Variants in DNM3 observed in about 807,000 individuals in gnomAD.
DNM3 encodes the protein dynamin 3, also known as dynamin-3.
Under a neutral mutation model 101.6 loss-of-function variants are expected in DNM3, and 47 were observed. That is an observed-to-expected ratio of 0.46 (90% confidence interval 0.37 to 0.59). The LOEUF is 0.59. Among genes scored for constraint, DNM3 ranks in the 20% least tolerant of loss-of-function variants. The pLI is 0.00. For missense variants in DNM3, 849 were observed against 1,085.7 expected (o/e 0.78, Z 3.06); for synonymous variants, 385 against 387.9 (o/e 0.99, Z 0.09).
At chr1:172,166,922 C>CTT (rs4028243) in intron 14 of DNM3, among the ~76,000 whole-genome samples, 245 of 145,146 alleles carry the variant, frequency 1.7e-3, no homozygotes, top group African/African-American at 5.8e-3. Context: ...GCATTGCATT[C>CTT]TTTTTTTTTT....
chr1:171,861,318 A>T (rs1455754115), intron 1 of DNM3, among the ~76,000 whole-genome samples: 1 of 152,164 alleles, frequency 6.6e-6, no homozygotes, highest in Admixed American at 6.6e-5. Flanking sequence ...AAACAAAACA[A>T]GTTGAAGGAC....
chr1:171,950,097 T>A (rs2042419283), intron 2 of DNM3, among the ~76,000 whole-genome samples: 1 of 151,676 alleles, frequency 6.6e-6, no homozygotes. Context: ...ATGTGCTCAA[T>A]GGCTGGGGGA....
At chr1:171,940,823 A>G (rs1386294147) in intron 2 of DNM3, among the ~76,000 whole-genome samples, 16 of 152,074 alleles carry the variant, frequency 1.1e-4, no homozygotes, top group Non-Finnish European at 8.8e-5. Context: ...TTTTCTGTGT[A>G]CATGTCTACC....
At chr1:172,354,110 T>TGAGAGAGAGAGAGAGA (rs1445200263) in intron 17 of DNM3, among the ~76,000 whole-genome samples, 2,179 of 52,164 alleles carry the variant, frequency 0.042, 32 homozygotes, top group Non-Finnish European at 0.05. Context: ...TGTGTGTGTG[T>TGAGAGAGAGAGAGAGA]GTGAGAGAGA....
chr1:171,978,803 C>T (rs138466378), intron 2 of DNM3, among the ~76,000 whole-genome samples: 131 of 151,956 alleles, frequency 8.6e-4, no homozygotes, highest in African/African-American at 2.3e-3. Context: ...GGCAGTGAGA[C>T]GGTGTTTGGA....
At chr1:172,350,772 G>A (rs1200760688) in intron 17 of DNM3, among the ~76,000 whole-genome samples, 1 of 152,156 alleles carries the variant, frequency 6.6e-6, no homozygotes, top group African/African-American at 2.4e-5. Flanking sequence ...GAGGCAGGCA[G>A]CTGTTAACAG....
At chr1:172,058,153 A>C (rs2050809447) in intron 10 of DNM3, among the ~76,000 whole-genome samples, 1 of 146,386 alleles carries the variant, frequency 6.8e-6, no homozygotes, top group African/African-American at 2.6e-5. Context: ...AACTATCTTA[A>C]ATATATATGC....
chr1:172,213,214 ACAAAC>A (rs973290246), intron 14 of DNM3, among the ~76,000 whole-genome samples: 1 of 152,072 alleles, frequency 6.6e-6, no homozygotes. Flanking sequence ...CCCCTTGCAC[ACAAAC>A]CAAGTTTGCT....
chr1:171,858,873 G>A (rs1262496602), intron 1 of DNM3, among the ~76,000 whole-genome samples: 2 of 152,112 alleles, frequency 1.3e-5, no homozygotes, highest in African/African-American at 4.8e-5. Flanking sequence ...GATCATCTGT[G>A]CTTAATTCCT....
At chr1:172,323,832 T>C (rs1402963277) in intron 17 of DNM3, among the ~76,000 whole-genome samples, 1 of 152,068 alleles carries the variant, frequency 6.6e-6, no homozygotes, top group Non-Finnish European at 1.5e-5. Flanking sequence ...GAAGGTGCCT[T>C]AAAATGGATG....
intron 14 of DNM3, among the ~76,000 whole-genome samples, chr1:172,195,027 T>C (rs1225736989): frequency 6.6e-6 from 1 of 152,060 alleles, no homozygotes; most frequent in African/African-American, 2.4e-5. Context: ...GTTTAGTGCT[T>C]CCTTCAGGAG....
At chr1:172,137,029 C>T (rs1447473577) in intron 14 of DNM3, 1 of 152,120 alleles carries the variant, frequency 6.6e-6, no homozygotes, top group African/African-American at 2.4e-5. Flanking sequence ...CTGCTGCCGT[C>T]CTAGCTTTCC....
rs200561709 is a variant in DNM3, at chr1:172,360,516, G to A, written c.1894-18502G>A. On this transcript the variant is annotated intron_variant, in intron 17 of 20. Transcript: ENST00000627582. ...ACTTTTACTTCCAGTATTTTAATCC[G>A]TTTTCTTAATATCTGCTAAATATTC... Among the ~76,000 whole-genome samples the A allele has an allele frequency of 1.3e-4, 14 of 105,446 alleles. No individual in the cohort carries two copies. The East Asian group carries it at 3.4e-3, about 25-fold the overall frequency. 69.2% of individuals were successfully genotyped at this position (105,446 alleles called of 152,430 possible).
intron 13 of DNM3, among the ~76,000 whole-genome samples, chr1:172,101,037 C>T (rs942408311): frequency 2.6e-5 from 4 of 152,188 alleles, no homozygotes; most frequent in Non-Finnish European, 4.4e-5. Context: ...ACTTAGGCCA[C>T]ATCATATGGG....
At chr1:172,407,383 T>C (rs1284111003) in intron 20 of DNM3, among the ~76,000 whole-genome samples, 1 of 152,086 alleles carries the variant, frequency 6.6e-6, no homozygotes, top group African/African-American at 2.4e-5. Flanking sequence ...AAATTATATG[T>C]GAGAAATAAA....
chr1:171,914,540 T>C (rs1187649963), intron 1 of DNM3, among the ~76,000 whole-genome samples: 5 of 152,240 alleles, frequency 3.3e-5, no homozygotes, highest in African/African-American at 1.2e-4. Flanking sequence ...CTTCCAATTC[T>C]ATTCCATGTC....
chr1:172,300,206 T>G lies in DNM3; in HGVS notation c.1770-8522T>G, dbSNP rs140424866. 4.8e-3 allele frequency among the ~76,000 whole-genome samples: 733 copies of G among 152,226 alleles called. 4 individuals carry two copies. The highest frequency in any genetic ancestry group is 0.017 in the African/African-American group (692 of 41,502). ...TCTTCTTTTGATAAGTGTCTGTTCA[T>G]GTCCTTTGCCTACTTTTTAATGGGG... On this transcript the variant is annotated intron_variant, in intron 15 of 20. Coordinates refer to ENST00000627582, the MANE Select transcript of DNM3 (RefSeq NM_015569.5).
chr1:172,177,090 G>A (rs1297563199), intron 14 of DNM3, among the ~76,000 whole-genome samples: 4 of 151,800 alleles, frequency 2.6e-5, no homozygotes, highest in Admixed American at 6.6e-5. Context: ...TGTGTTTTGA[G>A]TTTGAGAGAA....
chr1:171,922,749 C>T (rs1378941766), intron 2 of DNM3, among the ~76,000 whole-genome samples: 1 of 152,180 alleles, frequency 6.6e-6, no homozygotes, highest in Non-Finnish European at 1.5e-5. Flanking sequence ...TATGTTCTGT[C>T]TCTATGGATT....
Sources: allele counts gnomAD v4.1 joint callset (sites outside exome capture counted in the v4.1 genomes callset), GRCh38; gene constraint gnomAD v4.1.1; transcripts MANE v1.5; gene names NCBI Gene and HGNC (gene_info 2026-07-23, HGNC 2026-07-21).